Variants in LRRC7 observed in about 807,000 individuals in gnomAD.
The protein encoded by LRRC7 is leucine rich repeat containing 7.
In LRRC7, 23 loss-of-function variants were observed where a neutral mutation model predicts 175.7. The ratio of observed to expected loss-of-function variants is 0.13; its 90% CI spans 0.09 to 0.19. The LOEUF is 0.19. Among genes scored for constraint, LRRC7 ranks in the 10% least tolerant of loss-of-function variants. The pLI is 1.00. For missense variants in LRRC7, 1,354 were observed against 1,904.7 expected (o/e 0.71, Z 5.38); for synonymous variants, 685 against 680.9 (o/e 1.01, Z -0.09).
chr1:69,835,072 A>G (rs1318283794), intron 6 of LRRC7, among the ~76,000 whole-genome samples: 1 of 152,032 alleles, frequency 6.6e-6, no homozygotes. Context: ...TTAATAGTCA[A>G]ATAAATTCTA....
In LRRC7 at chr1:70,124,974, C is replaced by G. The variant is rs946132600; in HGVS notation, c.*3087C>G. On this transcript the variant is annotated 3_prime_UTR_variant, in exon 27 of 27. Coordinates refer to ENST00000651989, the MANE Select transcript of LRRC7 (RefSeq NM_001370785.2). ...TAGTAAAATTGCAAATTTTGCAAGA[C>G]AAATAGATATTAGTGGACAATTTTT... Among the ~76,000 whole-genome samples the G allele has an allele frequency of 3.9e-5, 6 of 152,108 alleles. No homozygotes were observed. Among genetic ancestry groups the G allele is most frequent in the African/African-American group, 1.4e-4 (6 of 41,424 alleles).
chr1:69,815,875 A>T (rs903463008), intron 4 of LRRC7, among the ~76,000 whole-genome samples: 2 of 152,118 alleles, frequency 1.3e-5, no homozygotes, highest in African/African-American at 4.8e-5. Context: ...TATTAAAAAG[A>T]CCACTGGGAG....
chr1:70,012,327 A>G (rs1656583379), intron 12 of LRRC7, among the ~76,000 whole-genome samples: 1 of 151,848 alleles, frequency 6.6e-6, no homozygotes, highest in Admixed American at 6.6e-5. Context: ...ATATTATTTT[A>G]ACTTCTGGAT....
intron 2 of LRRC7, among the ~76,000 whole-genome samples, chr1:69,758,516 T>G (rs532039574): frequency 6.5e-4 from 99 of 152,160 alleles, no homozygotes; most frequent in African/African-American, 2.2e-3. Context: ...TTCTAACTTT[T>G]ACTTATGTTC....
rs188806196 is a variant in LRRC7, at chr1:69,612,777, G to A, written c.2+44136G>A. Among the ~76,000 whole-genome samples the A allele has an allele frequency of 2.1e-3, 323 of 152,036 alleles. 1 individual carries two copies. Among genetic ancestry groups the A allele is most frequent in the African/African-American group, 7.3e-3 (301 of 41,492 alleles). On this transcript the variant is annotated intron_variant, in intron 1 of 26. Transcript: ENST00000651989. The stretch of plus-strand genomic sequence containing the variant: ...AACATATGTATATACCTATATAGTC[G>A]TTTTTACAATTCTATATTCAATATA...
intron 3 of LRRC7, among the ~76,000 whole-genome samples, chr1:69,767,000 C>A (rs1671694817): frequency 6.6e-6 from 1 of 152,162 alleles, no homozygotes; most frequent in African/African-American, 2.4e-5. Context: ...ATTTTCATCA[C>A]CCTTTGAGAA....
chr1:69,791,461 CAG>C lies in LRRC7; in HGVS notation c.304-580_304-579del, dbSNP rs1473728699. ...CCCACCTAATACTTTGGACTGATGG[CAG>C]AAATGAAGCAATTACGAGTGATTTT... is the stretch of plus-strand genomic sequence containing the variant. On this transcript the variant is annotated intron_variant, in intron 3 of 26. Coordinates refer to ENST00000651989, the MANE Select transcript of LRRC7 (RefSeq NM_001370785.2). Among the ~76,000 whole-genome samples, 13 of 152,012 alleles carry C rather than the reference CAG, an allele frequency of 8.6e-5. No homozygotes were observed. In the East Asian group the frequency reaches 2.5e-3, roughly 29 times the overall value.
At chr1:70,009,826 T>A (rs1656337882) in intron 11 of LRRC7, among the ~76,000 whole-genome samples, 1 of 152,252 alleles carries the variant, frequency 6.6e-6, no homozygotes, top group Non-Finnish European at 1.5e-5. Flanking sequence ...GAAGTTTGAA[T>A]GACCTTGGTC....
intron 10 of LRRC7, among the ~76,000 whole-genome samples, chr1:69,990,921 G>A (rs1207954787): frequency 6.6e-6 from 1 of 152,032 alleles, no homozygotes; most frequent in African/African-American, 2.4e-5. Flanking sequence ...ACAAAACACA[G>A]AAAGTTTGAT....
chr1:69,743,332 C>T (rs1367498534), intron 2 of LRRC7, among the ~76,000 whole-genome samples: 1 of 151,954 alleles, frequency 6.6e-6, no homozygotes, highest in Non-Finnish European at 1.5e-5. Context: ...GAAGGAGTGA[C>T]ATTTGAACTG....
chr1:69,811,642 C>G (rs559016711), intron 4 of LRRC7, among the ~76,000 whole-genome samples: 1 of 152,158 alleles, frequency 6.6e-6, no homozygotes, highest in East Asian at 1.9e-4. Context: ...AAGCTGGAAA[C>G]CATCATTCTC....
chr1:69,800,318 T>C (rs1676320518), intron 4 of LRRC7, among the ~76,000 whole-genome samples: 1 of 152,046 alleles, frequency 6.6e-6, no homozygotes, highest in Non-Finnish European at 1.5e-5. Flanking sequence ...ATTGAGTCTA[T>C]AGATTGCTTT....
chr1:70,020,633 G>C (rs1464539395), intron 15 of LRRC7, among the ~76,000 whole-genome samples: 1 of 152,016 alleles, frequency 6.6e-6, no homozygotes, highest in Non-Finnish European at 1.5e-5. Flanking sequence ...CATTAGTAAA[G>C]TAAGGATGAG....
rs56205741 is a variant in LRRC7 at position 70,009,563 on chromosome 1, A to T, written c.1005-2234A>T. 3.5e-3 allele frequency among the ~76,000 whole-genome samples: 526 copies of T among 152,076 alleles called. 2 individuals are homozygous for T. Among genetic ancestry groups the T allele is most frequent in the African/African-American group, 0.012 (507 of 41,516 alleles). On this transcript the variant is annotated intron_variant, in intron 11 of 26. Coordinates refer to ENST00000651989, the MANE Select transcript of LRRC7 (RefSeq NM_001370785.2). ...GATAATAAGAGGAAAAATGTACTGAACATGTATTTTATGACAGGTACTGTG... is the reference window on the plus strand; with the variant it reads ...GATAATAAGAGGAAAAATGTACTGATCATGTATTTTATGACAGGTACTGTG...
intron 4 of LRRC7, among the ~76,000 whole-genome samples, chr1:69,816,983 T>C (rs1007446900): frequency 9.9e-5 from 15 of 152,258 alleles, no homozygotes; most frequent in Admixed American, 2.6e-4. Context: ...TGCTTATGCT[T>C]TAAGGCCAAA....
chr1:69,738,455 T>G (rs889323056), intron 2 of LRRC7, among the ~76,000 whole-genome samples: 12 of 152,096 alleles, frequency 7.9e-5, no homozygotes, highest in African/African-American at 2.9e-4. Context: ...TTTTTACTCC[T>G]TTCCTTGTTT....
chr1:69,607,789 C>G (rs964178160), intron 1 of LRRC7: 1 of 152,048 alleles, frequency 6.6e-6, no homozygotes, highest in Non-Finnish European at 1.5e-5. Flanking sequence ...AGATTATGTT[C>G]AACTAGAATA....
chr1:69,708,511 G>C (rs766443274), intron 2 of LRRC7, among the ~76,000 whole-genome samples: 5 of 152,148 alleles, frequency 3.3e-5, no homozygotes, highest in Admixed American at 6.5e-5. Context: ...CCACCTCATT[G>C]AGGTCTTTAT....
At position 70,128,436 on chromosome 1, in the gene LRRC7, A is replaced by C. The variant is rs1385686876; in HGVS notation, c.*6549A>C. ...TTCCTTCTTTAAAATAACAGGTTGA[A>C]TAAGCAGCCTAACAAATAGCCAAGT... On this transcript the variant is annotated 3_prime_UTR_variant, in exon 27 of 27. Transcript: ENST00000651989. The C allele has an allele frequency of 6.6e-6, 1 of 152,140 alleles. No individual in the cohort carries two copies. 9.4% of individuals were successfully genotyped at this position (152,140 alleles called of 1,614,324 possible).
Sources: allele counts gnomAD v4.1 joint callset (sites outside exome capture counted in the v4.1 genomes callset), GRCh38; gene constraint gnomAD v4.1.1; transcripts MANE v1.5; gene names NCBI Gene and HGNC (gene_info 2026-07-23, HGNC 2026-07-21).